The following ITGA11 variants were observed in gnomAD, a reference collection of about 807,000 sequenced individuals.
ITGA11 encodes the protein integrin subunit alpha 11, also known as integrin alpha-11.
In ITGA11, 97 loss-of-function variants were observed where a neutral mutation model predicts 141.9. That is an observed-to-expected ratio of 0.68 (90% CI 0.58 to 0.81). The LOEUF is 0.81. Among genes scored for constraint, ITGA11 ranks in the 30% least tolerant of loss-of-function variants. ITGA11 has a pLI of 0.00. For synonymous variants in ITGA11, 658 were observed against 624.6 expected (o/e 1.05, Z -0.80); for missense variants, 1,387 against 1,559.2 (o/e 0.89, Z 1.86).
chr15:68,399,027 C>T (rs991443771), intron 2 of ITGA11, among the ~76,000 whole-genome samples: 2 of 151,728 alleles, frequency 1.3e-5, no homozygotes, highest in African/African-American at 4.8e-5. Context: ...AGTATAACTC[C>T]AATAAAAATC....
chr15:68,368,263 T>C (rs180888645), intron 3 of ITGA11, among the ~76,000 whole-genome samples: 130 of 152,158 alleles, frequency 8.5e-4, no homozygotes, highest in Non-Finnish European at 1.5e-3. Context: ...AGGCCCAGGG[T>C]CCTGGCCCTA....
chr15:68,354,063 C>A (rs1001374200), intron 7 of ITGA11, among the ~76,000 whole-genome samples: 2 of 152,156 alleles, frequency 1.3e-5, no homozygotes, highest in Non-Finnish European at 2.9e-5. Context: ...AGCCTTTCCC[C>A]ACCACCCTGT....
chr15:68,404,975 C>G lies in ITGA11; in HGVS notation c.53-1946G>C, dbSNP rs549338721. Among the ~76,000 whole-genome samples the G allele has an allele frequency of 5.3e-5, 8 of 152,272 alleles. No individual in the cohort carries two copies. The South Asian group carries it at 1.7e-3, about 32-fold the overall frequency. On this transcript the variant is annotated intron_variant, in intron 1 of 29. Coordinates refer to ENST00000315757, the MANE Select transcript of ITGA11 (RefSeq NM_001004439.2). The stretch of plus-strand genomic sequence containing the variant: ...CAGAGGGTCAGAGAGGTTAGCTGAC[C>G]TTCCCAAGGACCCAAGCCCGCTGGG...
chr15:68,313,511 C>G (rs767489874), intron 23 of ITGA11, among the ~76,000 whole-genome samples: 1 of 152,208 alleles, frequency 6.6e-6, no homozygotes, highest in African/African-American at 2.4e-5. Flanking sequence ...ACGCCTCCCA[C>G]TGCCCCCACC....
intron 2 of ITGA11, among the ~76,000 whole-genome samples, chr15:68,379,578 T>A (rs1264689566): frequency 6.6e-6 from 1 of 152,190 alleles, no homozygotes; most frequent in Non-Finnish European, 1.5e-5. Flanking sequence ...TGGGCCGAAC[T>A]CTTCTGGGTC....
At chr15:68,403,146 G>A in intron 1 of ITGA11, 117 bp from the exon 2 acceptor site, 1 of 681,470 alleles carries the variant, frequency 1.5e-6, no homozygotes, top group Non-Finnish European at 2.6e-6. Flanking sequence ...TTGGCTGTGG[G>A]ACAAGCATGT....
In ITGA11 at chr15:68,400,843, T is replaced by A. The variant is rs190964406; in HGVS notation, c.164+2075A>T. Among the ~76,000 whole-genome samples the A allele has an allele frequency of 3.9e-4, 21 of 54,016 alleles. 1 individual carries two copies. The highest frequency in any genetic ancestry group is 1.1e-3 in the South Asian group (2 of 1,810). 35.4% of individuals were successfully genotyped at this position (54,016 alleles called of 152,430 possible). On this transcript the variant is annotated intron_variant, in intron 2 of 29. Coordinates refer to ENST00000315757, the MANE Select transcript of ITGA11 (RefSeq NM_001004439.2). ...TATATATTATATAATAAATATTATA[T>A]TATATATTATATAATAAATATAATA...
At chr15:68,378,478 A>T (rs1053363255) in intron 2 of ITGA11, among the ~76,000 whole-genome samples, 1 of 151,996 alleles carries the variant, frequency 6.6e-6, no homozygotes, top group Non-Finnish European at 1.5e-5. Flanking sequence ...GACCCCATCT[A>T]TAAAAAAATA....
rs1893836419 is a variant in ITGA11 at position 68,322,229 on chromosome 15, G to T, written c.2323-726C>A. 6.6e-6 allele frequency among the ~76,000 whole-genome samples: 1 copy of T among 152,186 alleles called. No homozygotes were observed. ...AGGGGCCTGTGTTTACAGGGCCTTG[G>T]GGTCATTCCTTGCAACTGGTAGGAG... On this transcript the variant is annotated intron_variant, in intron 18 of 29. Transcript: ENST00000315757. The surrounding 1 kb of genome is among the most constrained non-coding windows in gnomAD (Gnocchi z 5.6).
At chr15:68,417,989 A>C (rs2140432797) in intron 1 of ITGA11, among the ~76,000 whole-genome samples, 1 of 152,338 alleles carries the variant, frequency 6.6e-6, no homozygotes. Context: ...TAAGTTCCAC[A>C]AAGGAAGGGA....
rs959733646 is a variant in ITGA11 at position 68,421,654 on chromosome 15, T to G, written c.52+10361A>C. 2.4e-5 allele frequency among the ~76,000 whole-genome samples: 3 copies of G among 123,788 alleles called. No homozygotes were observed. In the Admixed American group the frequency reaches 3.3e-4, roughly 13 times the overall value. 81.2% of individuals were successfully genotyped at this position (123,788 alleles called of 152,430 possible). ...TTTGGGCTGAGCAGAGTGGGGAAGA[T>G]AGATGGGAGATCAGAGCCTTCACAC... On this transcript the variant is annotated intron_variant, in intron 1 of 29. Coordinates refer to ENST00000315757, the MANE Select transcript of ITGA11 (RefSeq NM_001004439.2).
chr15:68,303,880 C>G lies in ITGA11; in HGVS notation c.3387G>C (p.Val1129=). 1.9e-6 allele frequency: 3 copies of G among 1,607,370 alleles called. No individual in the cohort carries two copies. The highest frequency in any genetic ancestry group is 2.6e-6 in the Non-Finnish European group (3 of 1,174,614). ...FREEDPSRQI[V]FEISKQEDWQ... is the part of the protein sequence containing the mutation. ...AGTCCTCTTGCTTGGAGATCTCAAA[C>G]ACGATCTGCAAGGGGAGGGGGGCCG... The change falls in exon 29 of 30, where the codon GTG becomes GTC. Residue 1129 remains valine (V), a synonymous_variant. Transcript: ENST00000315757. This position sits in a 1 kb window ranked among gnomAD's most constrained non-coding sequence, Gnocchi z 5.3.
At position 68,335,896 on chromosome 15, in the gene ITGA11, G is replaced by A. The variant is rs78171089; in HGVS notation, c.1277-51C>T. ...CTTTGGCACCGTGTCCTCAGCAGGCGTTGCTTGGCCCGGTGCATGGCTTGG... is the reference window on the plus strand; with the variant it reads ...CTTTGGCACCGTGTCCTCAGCAGGCATTGCTTGGCCCGGTGCATGGCTTGG... On this transcript the variant is annotated intron_variant, in intron 11 of 29. Coordinates refer to ENST00000315757, the MANE Select transcript of ITGA11 (RefSeq NM_001004439.2). This position sits in a 1 kb window ranked among gnomAD's most constrained non-coding sequence, Gnocchi z 4.9. 7.5e-3 allele frequency: 11,873 copies of A among 1,581,240 alleles called. 45 individuals are homozygous for A. Among genetic ancestry groups the A allele is most frequent in the Non-Finnish European group, 9.1e-3 (10,596 of 1,162,832 alleles).
At chr15:68,313,026 A>T (rs1893446643) in intron 23 of ITGA11, among the ~76,000 whole-genome samples, 163 bp from the exon 24 acceptor site, 1 of 152,144 alleles carries the variant, frequency 6.6e-6, no homozygotes, top group Admixed American at 6.5e-5. Flanking sequence ...AAGGATTCTG[A>T]GCCTTTGCAG....
intron 1 of ITGA11, among the ~76,000 whole-genome samples, chr15:68,415,932 G>GA (rs1343790146): frequency 1.3e-5 from 2 of 152,212 alleles, no homozygotes; most frequent in African/African-American, 4.8e-5. Context: ...GGCCTAAGTA[G>GA]AGGGATGCAG....
In ITGA11 at chr15:68,307,294, C is replaced by T. The variant is rs1408896173; in HGVS notation, c.3381+54G>A. On this transcript the variant is annotated intron_variant, in intron 28 of 29. Transcript: ENST00000315757. The surrounding 1 kb of genome is among the most constrained non-coding windows in gnomAD (Gnocchi z 6.1). ...ACTCTATAGAGGAGCACGGCCAACC[C>T]TTTCCCAAGCTGTCCGGCCTAAGCC... 3.8e-6 allele frequency: 5 copies of T among 1,327,780 alleles called. No homozygotes were observed. Among genetic ancestry groups the T allele is most frequent in the East Asian group, 5.0e-5 (2 of 39,900 alleles). 82.2% of individuals were successfully genotyped at this position (1,327,780 alleles called of 1,614,324 possible).
rs1404492899 is a variant in ITGA11 at position 68,301,100 on chromosome 15, A to T, written c.*1959T>A. ...GTTTTGATACTCAAATTTTAGTTTC[A>T]CCATTTTCACCTTTTGCTCCACATC... is the stretch of plus-strand genomic sequence containing the variant. On this transcript the variant is annotated 3_prime_UTR_variant, in exon 30 of 30. Transcript: ENST00000315757. This position sits in a 1 kb window ranked among gnomAD's most constrained non-coding sequence, Gnocchi z 4.4. The T allele has an allele frequency of 2.6e-5, 4 of 152,216 alleles. No homozygotes were observed. The highest frequency in any genetic ancestry group is 9.7e-5 in the African/African-American group (4 of 41,450). The allele number at this position is 152,216 out of a possible 1,614,324, so 9.4% of individuals were successfully genotyped here.
intron 5 of ITGA11, among the ~76,000 whole-genome samples, 166 bp from the exon 6 acceptor site, chr15:68,358,751 T>C (rs1895150533): frequency 6.6e-6 from 1 of 152,202 alleles, no homozygotes; most frequent in African/African-American, 2.4e-5. Flanking sequence ...GCAATGTGAG[T>C]GAGCCCAGGA....
At chr15:68,402,745 T>A (rs1206606117) in intron 2 of ITGA11, among the ~76,000 whole-genome samples, 173 bp downstream of exon 2, 13 of 152,180 alleles carry the variant, frequency 8.5e-5, no homozygotes, top group Admixed American at 8.5e-4. Flanking sequence ...CAAGCTTTCA[T>A]AGTCAGGAGC....
Sources: gnomAD v4.1 joint callset for allele counts (sites outside exome capture counted in the v4.1 genomes callset) on GRCh38, gnomAD v4.1.1 for gene constraint, Gnocchi (gnomAD v3.1) non-coding constraint, MANE v1.5 for transcripts, NCBI Gene and HGNC (gene_info 2026-07-23, HGNC 2026-07-21) for gene names.